Variants in NALCN observed in about 807,000 individuals in gnomAD.
The protein encoded by NALCN is sodium leak channel NALCN.
A neutral mutation model predicts 225.3 loss-of-function variants in NALCN; 111 were observed. The observed-to-expected ratio is 0.49, with a 90% CI of 0.42 to 0.58. NALCN has a LOEUF of 0.58. Among genes scored for constraint, NALCN ranks in the 20% least tolerant of loss-of-function variants. The pLI is 0.00. For synonymous variants in NALCN, 764 were observed against 769.0 expected, an observed-to-expected ratio of 0.99 and a Z score of 0.11; for missense variants, 1,378 against 2,202.4, an observed-to-expected ratio of 0.63 and a Z score of 7.49.
At chr13:101,225,543 A>G (rs1300227464) in intron 13 of NALCN, among the ~76,000 whole-genome samples, 1 of 152,246 alleles carries the variant, frequency 6.6e-6, no homozygotes, top group African/African-American at 2.4e-5. Context: ...TACAGGATTT[A>G]TTAAAAGATA....
intron 3 of NALCN, among the ~76,000 whole-genome samples, chr13:101,386,707 G>A (rs2046996139): frequency 6.6e-6 from 1 of 151,950 alleles, no homozygotes; most frequent in South Asian, 2.1e-4. Context: ...AAAGTTTCTG[G>A]GTTTGGTTTG....
At chr13:101,293,628 A>T (rs914962197) in intron 7 of NALCN, among the ~76,000 whole-genome samples, 1 of 152,314 alleles carries the variant, frequency 6.6e-6, no homozygotes, top group Non-Finnish European at 1.5e-5. Context: ...AGAGTTGCAC[A>T]GGTTGGGGCA....
rs925944203 is a variant in NALCN, at chr13:101,199,894, G to A, written c.1627-7840C>T. Among the ~76,000 whole-genome samples, 6 of 152,098 alleles carry A rather than the reference G, an allele frequency of 3.9e-5. 1 individual carries two copies. The highest frequency in any genetic ancestry group is 3.3e-4 in the Admixed American group (5 of 15,270). On this transcript the variant is annotated intron_variant, in intron 13 of 43. Transcript: ENST00000251127. ...TCTTTCAGTCACCAAAAGAGCCAGAGCACTGCACTACAGAGCCACAAAATC... is the reference window on the plus strand; with the variant it reads ...TCTTTCAGTCACCAAAAGAGCCAGAACACTGCACTACAGAGCCACAAAATC...
intron 13 of NALCN, among the ~76,000 whole-genome samples, chr13:101,228,253 A>C (rs2041221440): frequency 6.6e-6 from 1 of 152,222 alleles, no homozygotes; most frequent in Non-Finnish European, 1.5e-5. Flanking sequence ...ATTTTTAAAA[A>C]AATCCCTAAA....
chr13:101,194,864 TGTG>T (rs764090609), intron 13 of NALCN, among the ~76,000 whole-genome samples: 1 of 152,032 alleles, frequency 6.6e-6, no homozygotes, highest in Non-Finnish European at 1.5e-5. Context: ...ATTAGCCAGT[TGTG>T]GTGATGGTCA....
At chr13:101,086,380 AT>A (rs1268777397) in intron 30 of NALCN, among the ~76,000 whole-genome samples, 1 of 152,070 alleles carries the variant, frequency 6.6e-6, no homozygotes, top group Admixed American at 6.6e-5. Context: ...ATATGACGCT[AT>A]AAAATGTTTT....
At chr13:101,200,705 T>C (rs1228509471) in intron 13 of NALCN, among the ~76,000 whole-genome samples, 1 of 152,090 alleles carries the variant, frequency 6.6e-6, no homozygotes, top group Non-Finnish European at 1.5e-5. Flanking sequence ...AAGATCCTTT[T>C]CTCTCTCAAG....
chr13:101,300,404 T>C (rs9557609), intron 7 of NALCN, among the ~76,000 whole-genome samples: 2,340 of 137,490 alleles, frequency 0.017, 53 homozygotes, highest in East Asian at 0.13. Context: ...CCTTCCCTCC[T>C]TCCTTCCTTT....
At chr13:101,202,479 C>T (rs2040160035) in intron 13 of NALCN, among the ~76,000 whole-genome samples, 1 of 152,088 alleles carries the variant, frequency 6.6e-6, no homozygotes, top group African/African-American at 2.4e-5. Context: ...GAGCCATTGA[C>T]CATAGCTATT....
chr13:101,279,819 A>T (rs1391682851), intron 10 of NALCN, among the ~76,000 whole-genome samples: 21 of 104,988 alleles, frequency 2.0e-4, no homozygotes, highest in African/African-American at 5.4e-4. Flanking sequence ...TCCGTCTCAA[A>T]AAATAAATAA....
At position 101,107,540 on chromosome 13, in the gene NALCN, T is replaced by C. The variant is rs142278652; in HGVS notation, c.2526A>G (p.Arg842=). ...GGCAAAAGTTTCTGAACCTGTGTTCTCGCCCGACAATGAACAGTGGCTTAT... is the reference window on the plus strand; with the variant it reads ...GGCAAAAGTTTCTGAACCTGTGTTCCCGCCCGACAATGAACAGTGGCTTAT... ...YFDKPLFIVG[R]EHRFRNFCRV... is the part of the protein sequence containing the mutation. The change falls in exon 22 of 44, where the codon CGA becomes CGG. Residue 842 remains arginine, a synonymous_variant. Coordinates refer to ENST00000251127, the MANE Select transcript of NALCN (RefSeq NM_052867.4). 46 of 1,614,022 alleles carry C rather than the reference T, an allele frequency of 2.9e-5. No individual in the cohort carries two copies. Among genetic ancestry groups the C allele is most frequent in the Non-Finnish European group, 2.5e-6 (3 of 1,179,986 alleles).
intron 7 of NALCN, among the ~76,000 whole-genome samples, chr13:101,301,913 G>A (rs2043986416): frequency 6.6e-6 from 1 of 152,044 alleles, no homozygotes; most frequent in African/African-American, 2.4e-5. Context: ...TCACCACTAA[G>A]GCGCTAAAGA....
Position 101,054,485 on chromosome 13 carries a change from A to ATAGTT in NALCN, c.*805_*809dup, listed in dbSNP as rs1241724904. ...GATTTTTTTAAATAAATTGAGCTATATAGTTTTATTCTTTTTGCTAAACTC... is the reference window on the plus strand; with the variant it reads ...GATTTTTTTAAATAAATTGAGCTATATAGTTTAGTTTTATTCTTTTTGCTAAACTC... On this transcript the variant is annotated 3_prime_UTR_variant, in exon 44 of 44. Coordinates refer to ENST00000251127, the MANE Select transcript of NALCN (RefSeq NM_052867.4). 2 of 152,206 alleles carry ATAGTT rather than the reference A, an allele frequency of 1.3e-5. No homozygotes were observed. The highest frequency in any genetic ancestry group is 2.1e-4 in the South Asian group (1 of 4,826). 9.4% of individuals were successfully genotyped at this position (152,206 alleles called of 1,614,324 possible).
At chr13:101,360,981 T>C (rs558434111) in intron 6 of NALCN, among the ~76,000 whole-genome samples, 1 of 152,328 alleles carries the variant, frequency 6.6e-6, no homozygotes, top group Admixed American at 6.5e-5. Context: ...ACATATCTTT[T>C]GGAGTTTAAT....
At chr13:101,110,548 T>C in intron 20 of NALCN, 71 bp downstream of exon 20, 2 of 1,521,490 alleles carry the variant, frequency 1.3e-6, no homozygotes, top group Non-Finnish European at 1.8e-6. Flanking sequence ...CACTGGGCAT[T>C]GTCTAAGCAG....
At position 101,074,672 on chromosome 13, in the gene NALCN, A is replaced by G; in HGVS notation, c.3955-10T>C. ...GCATCTTTAGCGTTACCTGGGGACC[A>G]GGGGTGGGAAGCGGGGAGACAGAGA... On this transcript the variant is annotated splice_polypyrimidine_tract_variant and intron_variant, in intron 35 of 43. Transcript: ENST00000251127. 6.3e-7 allele frequency: 1 copy of G among 1,595,414 alleles called. No homozygotes were observed. The highest frequency in any genetic ancestry group is 1.4e-5 in the African/African-American group (1 of 73,660).
At chr13:101,330,994 C>T (rs759307637) in intron 7 of NALCN, among the ~76,000 whole-genome samples, 38 of 152,174 alleles carry the variant, frequency 2.5e-4, no homozygotes, top group Non-Finnish European at 4.3e-4. Flanking sequence ...ATTACCCAGT[C>T]TCAAGTATGT....
chr13:101,180,950 G>C, intron 14 of NALCN: 1 of 424,444 alleles, frequency 2.4e-6, no homozygotes, highest in Non-Finnish European at 4.6e-6. Context: ...GGATGGGAAG[G>C]GCGGCCACGC....
intron 2 of NALCN, among the ~76,000 whole-genome samples, chr13:101,397,099 T>TATATATATATATAC (rs2047324607): frequency 1.5e-5 from 1 of 65,314 alleles, no homozygotes; most frequent in Admixed American, 1.7e-4. Flanking sequence ...TATATATATA[T>TATATATATATATAC]ATATATATAT....
Sources: allele counts gnomAD v4.1 joint callset (sites outside exome capture counted in the v4.1 genomes callset), GRCh38; gene constraint gnomAD v4.1.1; transcripts MANE v1.5; gene names NCBI Gene and HGNC (gene_info 2026-07-23, HGNC 2026-07-21).